DNAJA3: variants seen among roughly 807,000 people sequenced by gnomAD.
The protein encoded by DNAJA3 is dnaJ homolog subfamily A member 3, mitochondrial.
DNAJA3 carries 29 observed loss-of-function variants against 54.9 expected under a neutral mutation model. That is an observed-to-expected ratio of 0.53 (90% CI 0.39 to 0.72). The LOEUF (loss-of-function observed/expected upper bound fraction) is 0.72, where lower values mean the gene tolerates loss of function less well. DNAJA3 is among the 30% of genes least tolerant of loss of function. DNAJA3 has a pLI of 0.00. For missense variants in DNAJA3, 708 were observed against 639.4 expected, an observed-to-expected ratio of 1.11 and a Z score of -1.16; for synonymous variants, 302 against 251.4, an observed-to-expected ratio of 1.20 and a Z score of -1.90.
chr16:4,432,855 A>T (rs1378569565), intron 1 of DNAJA3, among the ~76,000 whole-genome samples: 1 of 151,390 alleles, frequency 6.6e-6, no homozygotes, highest in Non-Finnish European at 1.5e-5. Context: ...AAGAAACAAA[A>T]AGCCTGCCGG....
At chr16:4,449,006 T>C (rs1231586114) in intron 9 of DNAJA3, among the ~76,000 whole-genome samples, 158 bp downstream of exon 9, 2 of 151,638 alleles carry the variant, frequency 1.3e-5, no homozygotes, top group African/African-American at 4.8e-5. Context: ...GGTCAACTTC[T>C]TTTTTTTTGA....
chr16:4,437,372 C>G (rs1445872235), intron 2 of DNAJA3, 30 bp from the exon 3 acceptor site: 3 of 1,587,744 alleles, frequency 1.9e-6, no homozygotes, highest in Non-Finnish European at 1.7e-6. Context: ...CACATTGTAT[C>G]TGGAGTAATT....
intron 10 of DNAJA3, among the ~76,000 whole-genome samples, chr16:4,451,666 A>G (rs965134614): frequency 6.8e-6 from 1 of 147,092 alleles, no homozygotes; most frequent in African/African-American, 2.5e-5. Flanking sequence ...CTGAGGCAGG[A>G]GAATCGCTTG....
chr16:4,442,357 C>A lies in DNAJA3; in HGVS notation c.720C>A (p.Asn240Lys). ...VNIMDTCERC[N>K]GKGNEPGTKV... ...TCATGGACACGTGTGAGCGCTGCAA[C>A]GGCAAGGGGAACGAGCCCGGCACCA... Residue 240 changes from asparagine to lysine, a missense_variant, in exon 5 of 12, where the codon AAC becomes AAA. Asn to Lys is a moderately conservative substitution (Grantham distance 94, BLOSUM62 0). Coordinates refer to ENST00000262375, the MANE Select transcript of DNAJA3 (RefSeq NM_005147.6). 1 of 1,609,876 alleles carries A rather than the reference C, an allele frequency of 6.2e-7. No homozygotes were observed.
intron 3 of DNAJA3, 136 bp from the exon 4 acceptor site, chr16:4,441,239 C>T (rs969891866): frequency 1.4e-5 from 11 of 771,622 alleles, no homozygotes; most frequent in Non-Finnish European, 2.3e-5. Context: ...ACAGGCCCAC[C>T]CCAACCTCAT....
intron 2 of DNAJA3, among the ~76,000 whole-genome samples, chr16:4,436,575 G>C (rs189307924): frequency 7.2e-5 from 11 of 152,210 alleles, no homozygotes; most frequent in African/African-American, 1.9e-4. Context: ...TCGCCGTGTG[G>C]CTCAGGCTGG....
chr16:4,426,527 A>T (rs575207827), intron 1 of DNAJA3, among the ~76,000 whole-genome samples: 3 of 152,370 alleles, frequency 2.0e-5, no homozygotes, highest in Non-Finnish European at 4.4e-5. Flanking sequence ...CTGAGATTCA[A>T]CGGAGGAATC....
chr16:4,437,105 G>C (rs1198396761), intron 2 of DNAJA3, among the ~76,000 whole-genome samples: 1 of 152,068 alleles, frequency 6.6e-6, no homozygotes, highest in Non-Finnish European at 1.5e-5. Context: ...TGAGTAGCTG[G>C]GACCACAGGC....
At chr16:4,450,545 C>T (rs766531840) in intron 10 of DNAJA3, 48 bp downstream of exon 10, 3 of 1,423,332 alleles carry the variant, frequency 2.1e-6, no homozygotes, top group Admixed American at 2.0e-5. Context: ...CCTCAGAGCC[C>T]CCCAGGGTAT....
At chr16:4,445,906 T>C (rs985337996) in intron 7 of DNAJA3, among the ~76,000 whole-genome samples, 1 of 151,930 alleles carries the variant, frequency 6.6e-6, no homozygotes, top group South Asian at 2.1e-4. Flanking sequence ...TGTTATATTA[T>C]TTACTCTTCC....
chr16:4,443,794 C>T (rs1211923645), intron 6 of DNAJA3, among the ~76,000 whole-genome samples: 6 of 152,098 alleles, frequency 3.9e-5, no homozygotes, highest in African/African-American at 1.4e-4. Context: ...TCATGCCATT[C>T]TCCTGCCTCA....
At chr16:4,436,735 C>T (rs2056776787) in intron 2 of DNAJA3, among the ~76,000 whole-genome samples, 1 of 152,098 alleles carries the variant, frequency 6.6e-6, no homozygotes, top group African/African-American at 2.4e-5. Flanking sequence ...GGGGTTTCGC[C>T]ATGTTGGCCA....
intron 2 of DNAJA3, among the ~76,000 whole-genome samples, chr16:4,436,727 G>A (rs537807205): frequency 1.3e-5 from 2 of 152,196 alleles, no homozygotes; most frequent in South Asian, 4.2e-4. Flanking sequence ...GTAGAGATGG[G>A]GTTTCGCCAT....
At chr16:4,442,907 A>G in intron 5 of DNAJA3, 110 bp from the exon 6 acceptor site, 3 of 1,248,776 alleles carry the variant, frequency 2.4e-6, no homozygotes, top group Middle Eastern at 2.0e-4. Context: ...GTGCACATGC[A>G]CATAAAAAAC....
At chr16:4,441,307 G>A (rs1334187397) in intron 3 of DNAJA3, 68 bp from the exon 4 acceptor site, 1 of 1,431,810 alleles carries the variant, frequency 7.0e-7, no homozygotes, top group Non-Finnish European at 9.6e-7. Context: ...TATTTGCTGT[G>A]AACTCTTGTC....
intron 1 of DNAJA3, among the ~76,000 whole-genome samples, chr16:4,427,910 G>C (rs1007448425): frequency 6.6e-6 from 1 of 152,100 alleles, no homozygotes; most frequent in Admixed American, 6.5e-5. Context: ...TTCCCAAAGT[G>C]CTGGGGTTAC....
intron 1 of DNAJA3, among the ~76,000 whole-genome samples, chr16:4,430,307 C>G (rs2056680895): frequency 6.6e-6 from 1 of 151,840 alleles, no homozygotes; most frequent in Non-Finnish European, 1.5e-5. Context: ...GTGGCTCATG[C>G]CTGCAATCCC....
At chr16:4,431,344 A>G (rs1323971754) in intron 1 of DNAJA3, among the ~76,000 whole-genome samples, 1 of 152,252 alleles carries the variant, frequency 6.6e-6, no homozygotes, top group Admixed American at 6.5e-5. Flanking sequence ...AGAAACACAA[A>G]GTGGTCTCCT....
At position 4,446,914 on chromosome 16, in the gene DNAJA3, A is replaced by C. The variant is rs1458637888; in HGVS notation, c.1025A>C (p.Asp342Ala). 6.2e-7 allele frequency: 1 copy of C among 1,613,990 alleles called. No individual in the cohort carries two copies. The highest frequency in any genetic ancestry group is 2.2e-5 in the East Asian group (1 of 44,876). ...CAGAAAAGCCCTGTGTTCCGGAGGG[A>C]CGGCGCAGACATCCACTCCGACCTC... Reference protein sequence around the residue: ...RVQKSPVFRRDGADIHSDLFI... With the variant: ...RVQKSPVFRRAGADIHSDLFI... Residue 342 changes from aspartate (D) to alanine (A), a missense_variant, in exon 8 of 12, where the codon GAC becomes GCC. Asp to Ala is a moderately radical substitution (Grantham distance 126). Transcript: ENST00000262375.
Sources: allele counts gnomAD v4.1 joint callset (sites outside exome capture counted in the v4.1 genomes callset), GRCh38; gene constraint gnomAD v4.1.1; transcripts MANE v1.5; gene names NCBI Gene and HGNC (gene_info 2026-07-23, HGNC 2026-07-21).